The following SCN11A variants were observed in gnomAD, a reference collection of about 807,000 sequenced individuals.
SCN11A encodes sodium channel protein type 11 subunit alpha.
A neutral mutation model predicts 162.2 loss-of-function variants in SCN11A; 122 were observed. That is an observed-to-expected ratio of 0.75 (90% confidence interval 0.65 to 0.87). SCN11A has a LOEUF of 0.87. Ranked by LOEUF, SCN11A falls within the 40% of genes least tolerant of loss-of-function variation. The pLI is 0.00. For synonymous variants in SCN11A, 758 were observed against 751.5 expected, an observed-to-expected ratio of 1.01 and a Z score of -0.14; for missense variants, 2,015 against 2,181.6, an observed-to-expected ratio of 0.92 and a Z score of 1.52.
chr3:38,965,319 C>G (rs1026612449), intron 2 of SCN11A, among the ~76,000 whole-genome samples: 1 of 152,228 alleles, frequency 6.6e-6, no homozygotes, highest in Admixed American at 6.5e-5. Flanking sequence ...AGACCCAGCC[C>G]TGGCTCCTCA....
intron 11 of SCN11A, among the ~76,000 whole-genome samples, chr3:38,915,100 C>G (rs1452574458): frequency 1.3e-5 from 2 of 151,848 alleles, no homozygotes; most frequent in Non-Finnish European, 2.9e-5. Flanking sequence ...TCCATCTGGT[C>G]TCAGGATTTT....
intron 2 of SCN11A, among the ~76,000 whole-genome samples, chr3:39,016,944 A>G (rs2031305384): frequency 6.6e-6 from 1 of 152,212 alleles, no homozygotes; most frequent in South Asian, 2.1e-4. Context: ...TTATAAAATT[A>G]TAAGTTGATA....
intron 2 of SCN11A, among the ~76,000 whole-genome samples, chr3:39,009,966 T>C (rs2031080791): frequency 1.3e-5 from 2 of 151,430 alleles, no homozygotes; most frequent in Non-Finnish European, 2.9e-5. Context: ...ATTACAGGTA[T>C]GAGCCACTGT....
intron 17 of SCN11A, 87 bp downstream of exon 17, chr3:38,899,807 T>G: frequency 9.7e-7 from 1 of 1,033,048 alleles, no homozygotes; most frequent in Non-Finnish European, 1.4e-6. Flanking sequence ...AATTAAAGTT[T>G]AGTACAAGAT....
chr3:38,957,459 G>C (rs181964230), intron 3 of SCN11A, among the ~76,000 whole-genome samples: 224 of 152,252 alleles, frequency 1.5e-3, no homozygotes, highest in African/African-American at 5.1e-3. Context: ...CAATCCCCTT[G>C]GGCCATGAAG....
intron 7 of SCN11A, among the ~76,000 whole-genome samples, chr3:38,935,525 T>C (rs1196092812): frequency 2.0e-5 from 3 of 151,668 alleles, no homozygotes; most frequent in African/African-American, 4.8e-5. Flanking sequence ...ATAGAAGCAA[T>C]AAAAAATGAT....
chr3:38,887,381 C>T (rs2065418882), intron 19 of SCN11A, among the ~76,000 whole-genome samples: 1 of 148,466 alleles, frequency 6.7e-6, no homozygotes, highest in Admixed American at 6.9e-5. Context: ...GCCCCTCTTG[C>T]CTATTCTGCA....
rs759471303 is a variant in SCN11A at position 38,921,078 on chromosome 3, T to C, written c.890A>G (p.Tyr297Cys). 1.5e-5 allele frequency: 24 copies of C among 1,613,792 alleles called. No individual in the cohort carries two copies. Among genetic ancestry groups the C allele is most frequent in the African/African-American group, 2.7e-5 (2 of 74,912 alleles). ...DCKNISNPEA[Y>C]DHCFEKKENS... ...TGAAAGAAAGGTTGGGTATTTACCA[T>C]AAGCTTCCGGGTTACTGATATTTTT... The change falls in exon 10 of 30, where the codon TAT becomes TGT. Residue 297 changes from tyrosine to cysteine, a missense_variant and splice_region_variant. Transcript: ENST00000302328.
intron 1 of SCN11A, among the ~76,000 whole-genome samples, chr3:39,047,585 G>A (rs1050494803): frequency 2.0e-5 from 3 of 152,056 alleles, no homozygotes; most frequent in African/African-American, 7.2e-5. Context: ...ATAGAGGAAT[G>A]AGACAGCCTA....
chr3:38,849,451 T>G (rs2064739132), intron 29 of SCN11A: 1 of 152,178 alleles, frequency 6.6e-6, no homozygotes, highest in African/African-American at 2.4e-5. Context: ...GTTGTTGTTC[T>G]CTGAAACATC....
chr3:39,028,481 T>C (rs1040845068), intron 2 of SCN11A, among the ~76,000 whole-genome samples: 3 of 152,236 alleles, frequency 2.0e-5, no homozygotes, highest in African/African-American at 7.2e-5. Flanking sequence ...ATGTTTCTAC[T>C]TCAGGTCAAA....
rs919586323 is a variant in SCN11A, at chr3:38,894,786, T to C, written c.2582A>G (p.Gln861Arg). ...CACCTCTTTTTGCTGTGGTAAGTTTTGCTTCCTGCACCACTTGTGACAGAA... is the reference window on the plus strand; with the variant it reads ...CACCTCTTTTTGCTGTGGTAAGTTTCGCTTCCTGCACCACTTGTGACAGAA... ...EHFCHKWCRK[Q>R]NLPQQKEVAG... Residue 861 changes from glutamine (Q) to arginine (R), a missense_variant, in exon 19 of 30, where the codon CAA becomes CGA. Coordinates refer to ENST00000302328, the MANE Select transcript of SCN11A (RefSeq NM_001349253.2). 4 of 1,614,128 alleles carry C rather than the reference T, an allele frequency of 2.5e-6. No homozygotes were observed. Among genetic ancestry groups the C allele is most frequent in the Non-Finnish European group, 3.4e-6 (4 of 1,180,046 alleles).
chr3:39,036,676 A>G lies in SCN11A; in HGVS notation c.-403-4173T>C, dbSNP rs1435513853. ...CTGTAAGAAAAAATCTAATAATCCA[A>G]TTAAAAATGGGCAAAAGATCTGAAT... is the stretch of plus-strand genomic sequence containing the variant. On this transcript the variant is annotated intron_variant, in intron 1 of 29. Transcript: ENST00000302328. Among the ~76,000 whole-genome samples the G allele has an allele frequency of 2.0e-5, 3 of 152,366 alleles. No homozygotes were observed. The East Asian group carries it at 5.8e-4, about 29-fold the overall frequency.
chr3:38,993,929 G>A (rs1168270222), intron 2 of SCN11A, among the ~76,000 whole-genome samples: 1 of 152,234 alleles, frequency 6.6e-6, no homozygotes, highest in Non-Finnish European at 1.5e-5. Context: ...CCTTCCTCTA[G>A]TGGGAAGATT....
At chr3:38,894,405 T>A in intron 19 of SCN11A, 128 bp downstream of exon 19, 1 of 751,202 alleles carries the variant, frequency 1.3e-6, no homozygotes, top group Non-Finnish European at 2.2e-6. Context: ...TGCACATGGG[T>A]ATCAAAGGGC....
chr3:38,940,637 T>C (rs926406720), intron 7 of SCN11A, among the ~76,000 whole-genome samples: 1 of 152,186 alleles, frequency 6.6e-6, no homozygotes, highest in African/African-American at 2.4e-5. Flanking sequence ...GATCTATTTA[T>C]GACACCCTAC....
In SCN11A at chr3:38,847,482, C is replaced by T; in HGVS notation, c.4588G>A (p.Asp1530Asn). 1 of 1,614,148 alleles carries T rather than the reference C, an allele frequency of 6.2e-7. No homozygotes were observed. The change falls in exon 30 of 30, where the codon GAC becomes AAC. Residue 1530 changes from aspartate (D) to asparagine (N), a missense_variant. Transcript: ENST00000302328. ...GCAAAAGTCTTGAAGTTGAATATGT[C>T]ATCGATTCCAGACTCTGGATTCACT... ...SKVNPESGID[D>N]IFNFKTFASS...
intron 2 of SCN11A, among the ~76,000 whole-genome samples, chr3:38,966,727 A>AC (rs2066784787): frequency 6.6e-6 from 1 of 152,168 alleles, no homozygotes; most frequent in Admixed American, 6.5e-5. Flanking sequence ...GTATGTTTGT[A>AC]CCCACTGACC....
chr3:38,982,025 A>C (rs2030076686), intron 2 of SCN11A, among the ~76,000 whole-genome samples: 1 of 151,684 alleles, frequency 6.6e-6, no homozygotes, highest in Admixed American at 6.6e-5. Context: ...AAAAAAAAAC[A>C]AAACAAAAAG....
Sources: gnomAD v4.1 joint callset for allele counts (sites outside exome capture counted in the v4.1 genomes callset) on GRCh38, gnomAD v4.1.1 for gene constraint, MANE v1.5 for transcripts, NCBI Gene and HGNC (gene_info 2026-07-23, HGNC 2026-07-21) for gene names.